ARHGAP35: variants seen among roughly 807,000 people sequenced by gnomAD.
ARHGAP35 encodes Rho GTPase activating protein 35.
In ARHGAP35, 15 loss-of-function variants were observed where a neutral mutation model predicts 111.1. The observed-to-expected ratio is 0.13, with a 90% CI of 0.09 to 0.21. The LOEUF is 0.21. Ranked by LOEUF, ARHGAP35 falls within the 10% of genes least tolerant of loss-of-function variation. The pLI, the probability that ARHGAP35 is intolerant of heterozygous loss-of-function variation, is 1.00. For synonymous variants in ARHGAP35, 643 were observed against 710.3 expected (o/e 0.91, Z 1.51); for missense variants, 1,262 against 1,873.0 (o/e 0.67, Z 6.02).
At chr19:46,973,403 C>G (rs561190285) in intron 3 of ARHGAP35, among the ~76,000 whole-genome samples, 4 of 151,776 alleles carry the variant, frequency 2.6e-5, no homozygotes, top group African/African-American at 9.7e-5. Context: ...AAAAATTGGC[C>G]GGGCGCAGTG....
rs933619395 is a variant in ARHGAP35 at position 46,994,520 on chromosome 19, G to C, written c.4037-4784G>C. Among the ~76,000 whole-genome samples, 7 of 152,306 alleles carry C rather than the reference G, an allele frequency of 4.6e-5. No homozygotes were observed. Among genetic ancestry groups the C allele is most frequent in the East Asian group, 1.9e-4 (1 of 5,176 alleles). On this transcript the variant is annotated intron_variant, in intron 5 of 6. Transcript: ENST00000672722. This position sits in a 1 kb window ranked among gnomAD's most constrained non-coding sequence, Gnocchi z 5.4. Reference sequence around the variant, plus strand: ...CTTGACCACACCCAGGCCCAGGTTGGAGCGGGATAGCCCAGTCAGCACCGT... The same window carrying C: ...CTTGACCACACCCAGGCCCAGGTTGCAGCGGGATAGCCCAGTCAGCACCGT...
At position 46,989,326 on chromosome 19, in the gene ARHGAP35, G is replaced by A; in HGVS notation, c.3905-218G>A. 2.0e-6 allele frequency: 1 copy of A among 511,220 alleles called. No homozygotes were observed. Among genetic ancestry groups the A allele is most frequent in the Non-Finnish European group, 3.5e-6 (1 of 287,320 alleles). 31.7% of individuals were successfully genotyped at this position (511,220 alleles called of 1,614,324 possible). Reference sequence around the variant, plus strand: ...CCCTGCCCCGAGAGTGGTAGAAGGGGCAGTTCAGCAGTCTCGGAAAGAGGT... The same window carrying A: ...CCCTGCCCCGAGAGTGGTAGAAGGGACAGTTCAGCAGTCTCGGAAAGAGGT... On this transcript the variant is annotated intron_variant, in intron 4 of 6. Coordinates refer to ENST00000672722, the MANE Select transcript of ARHGAP35 (RefSeq NM_004491.5). The surrounding 1 kb of genome is among the most constrained non-coding windows in gnomAD (Gnocchi z 5.3).
At chr19:46,886,057 G>A (rs1302474159) in intron 1 of ARHGAP35, among the ~76,000 whole-genome samples, 2 of 152,124 alleles carry the variant, frequency 1.3e-5, no homozygotes, top group South Asian at 2.1e-4. Flanking sequence ...TTTTGACTTC[G>A]GGGAAGAGCC....
intron 3 of ARHGAP35, among the ~76,000 whole-genome samples, chr19:46,937,764 G>A (rs1344971660): frequency 6.6e-6 from 1 of 152,190 alleles, no homozygotes; most frequent in Non-Finnish European, 1.5e-5. Flanking sequence ...ACTCCTTGAG[G>A]GTTGTGCTAT....
intron 1 of ARHGAP35, among the ~76,000 whole-genome samples, chr19:46,876,104 T>C (rs2055918516): frequency 6.6e-6 from 1 of 152,114 alleles, no homozygotes; most frequent in Non-Finnish European, 1.5e-5. Context: ...AAAAGGAGAA[T>C]ATAGTAGTGT....
intron 2 of ARHGAP35, among the ~76,000 whole-genome samples, chr19:46,935,096 TA>T (rs529928958): frequency 6.6e-6 from 1 of 152,180 alleles, no homozygotes; most frequent in Non-Finnish European, 1.5e-5. Flanking sequence ...ACTTCTTTGG[TA>T]AAAAAAGTCT....
At position 46,922,084 on chromosome 19, in the gene ARHGAP35, G is replaced by A. The variant is rs1355885929; in HGVS notation, c.3409G>A (p.Glu1137Lys). ...SNGSGNGSDS[E>K]MDTSSLERGR... The stretch of plus-strand genomic sequence containing the variant: ...CGGCAGCGGGAATGGTTCTGACAGT[G>A]AAATGGACACCAGCTCTCTAGAGCG... Residue 1137 changes from glutamate to lysine, a missense_variant, in exon 2 of 7, where the codon GAA becomes AAA. Physicochemically the swap from Glu to Lys is moderately conservative, Grantham distance 56. This residue lies in a region of ARHGAP35 where 579 missense variants were observed against 716.9 expected (regional missense o/e 0.81). Transcript: ENST00000672722. This position sits in a 1 kb window ranked among gnomAD's most constrained non-coding sequence, Gnocchi z 4.0. 1 of 1,613,946 alleles carries A rather than the reference G, an allele frequency of 6.2e-7. No individual in the cohort carries two copies.
intron 1 of ARHGAP35, among the ~76,000 whole-genome samples, chr19:46,914,792 G>C (rs1599813844): frequency 6.6e-6 from 1 of 152,326 alleles, no homozygotes; most frequent in Middle Eastern, 3.4e-3. Flanking sequence ...TTTGAGAGCA[G>C]GCTGGTGTTT....
chr19:46,936,319 C>G (rs987422841), intron 2 of ARHGAP35, among the ~76,000 whole-genome samples: 5 of 152,142 alleles, frequency 3.3e-5, no homozygotes, highest in African/African-American at 1.2e-4. Context: ...GTTGCTGCTG[C>G]TACTGCTGCT....
chr19:46,937,144 C>G (rs964021701), intron 2 of ARHGAP35, 120 bp from the exon 3 acceptor site: 12 of 1,261,152 alleles, frequency 9.5e-6, no homozygotes, highest in Non-Finnish European at 1.3e-5. Flanking sequence ...CCAGCCACTT[C>G]TTGACATTCT....
chr19:46,891,701 A>C (rs2056024745), intron 1 of ARHGAP35, among the ~76,000 whole-genome samples: 1 of 152,114 alleles, frequency 6.6e-6, no homozygotes, highest in African/African-American at 2.4e-5. Flanking sequence ...CTGGGATTAC[A>C]GGCATGAGCC....
intron 3 of ARHGAP35, among the ~76,000 whole-genome samples, chr19:46,950,658 C>T (rs1313188830): frequency 6.6e-6 from 1 of 152,090 alleles, no homozygotes; most frequent in African/African-American, 2.4e-5. Context: ...TGTGGGTTCC[C>T]CAAAGCTATC....
intron 3 of ARHGAP35, among the ~76,000 whole-genome samples, chr19:46,971,152 A>C (rs1302459231): frequency 6.6e-6 from 1 of 152,196 alleles, no homozygotes; most frequent in African/African-American, 2.4e-5. Context: ...TGACGCCTAT[A>C]ATGCCAGCAC....
chr19:46,906,036 G>A lies in ARHGAP35; in HGVS notation c.-188-12452G>A, dbSNP rs561108795. On this transcript the variant is annotated intron_variant, in intron 1 of 6. Transcript: ENST00000672722. Reference sequence around the variant, plus strand: ...CACCAACATACAAAACAGATCAAAAGCTAGGTAAGGTGGCTCACACCTGTG... The same window carrying A: ...CACCAACATACAAAACAGATCAAAAACTAGGTAAGGTGGCTCACACCTGTG... 2.6e-5 allele frequency among the ~76,000 whole-genome samples: 4 copies of A among 151,704 alleles called. No homozygotes were observed. In the South Asian group the frequency reaches 8.4e-4, roughly 32 times the overall value.
chr19:47,000,805 T>A lies in ARHGAP35; in HGVS notation c.*117T>A. The A allele has an allele frequency of 6.5e-7, 1 of 1,543,574 alleles. No homozygotes were observed. Among genetic ancestry groups the A allele is most frequent in the Non-Finnish European group, 8.7e-7 (1 of 1,145,860 alleles). ...GGCAGGGGCAAGTGGCTCTCCCCAT[T>A]ACCTTCTCAAGACCTCAGTGGGAGC... On this transcript the variant is annotated 3_prime_UTR_variant, in exon 7 of 7. Coordinates refer to ENST00000672722, the MANE Select transcript of ARHGAP35 (RefSeq NM_004491.5). This position sits in a 1 kb window ranked among gnomAD's most constrained non-coding sequence, Gnocchi z 6.9.
At chr19:46,861,350 C>A (rs922131621) in intron 1 of ARHGAP35, among the ~76,000 whole-genome samples, 141 bp downstream of exon 1, 1 of 149,784 alleles carries the variant, frequency 6.7e-6, no homozygotes, top group East Asian at 2.0e-4. Context: ...GCGGCCCCCC[C>A]CCCAGCCCCC....
chr19:46,970,500 C>T (rs1363274042), intron 3 of ARHGAP35, among the ~76,000 whole-genome samples: 4 of 152,072 alleles, frequency 2.6e-5, no homozygotes, highest in East Asian at 1.9e-4. Flanking sequence ...AACATTACTG[C>T]GGAAATTTTG....
intron 1 of ARHGAP35, among the ~76,000 whole-genome samples, chr19:46,879,835 C>T (rs1252160482): frequency 2.0e-5 from 3 of 150,034 alleles, no homozygotes; most frequent in African/African-American, 4.9e-5. Flanking sequence ...CCTGTGACCC[C>T]AGCACTTTGA....
chr19:46,966,228 T>C (rs978951666), intron 3 of ARHGAP35, among the ~76,000 whole-genome samples: 2 of 152,246 alleles, frequency 1.3e-5, no homozygotes, highest in African/African-American at 4.8e-5. Flanking sequence ...AACCATTCCA[T>C]TGAGATTTTT....
Sources: allele counts gnomAD v4.1 joint callset (sites outside exome capture counted in the v4.1 genomes callset), GRCh38; gene constraint gnomAD v4.1.1; regional missense constraint gnomAD v4.1.1; non-coding constraint Gnocchi (gnomAD v3.1); transcripts MANE v1.5; gene names NCBI Gene and HGNC (gene_info 2026-07-23, HGNC 2026-07-21).